The following PDE6C variants were observed in gnomAD, a reference collection of about 807,000 sequenced individuals.
PDE6C encodes the protein phosphodiesterase 6C.
Under a neutral mutation model 113.1 loss-of-function variants are expected in PDE6C, and 75 were observed. The observed-to-expected ratio is 0.66, with a 90% CI of 0.55 to 0.80. The LOEUF is 0.80. Among genes scored for constraint, PDE6C ranks in the 30% least tolerant of loss-of-function variants. The pLI, the probability that PDE6C is intolerant of heterozygous loss-of-function variation, is 0.00. For synonymous variants in PDE6C, 375 were observed against 363.7 expected (o/e 1.03, Z -0.35); for missense variants, 912 against 1,038.6 (o/e 0.88, Z 1.67).
chr10:93,652,459 G>A (rs968277176), intron 15 of PDE6C, among the ~76,000 whole-genome samples: 5 of 152,118 alleles, frequency 3.3e-5, no homozygotes, highest in Non-Finnish European at 5.9e-5. Flanking sequence ...GAAAATGAGT[G>A]AGAAGAAAAA....
At chr10:93,660,536 T>C (rs1229191960) in intron 18 of PDE6C, among the ~76,000 whole-genome samples, 3 of 152,126 alleles carry the variant, frequency 2.0e-5, no homozygotes, top group African/African-American at 7.2e-5. Context: ...TACCTGGTTT[T>C]ATGACCTACT....
Position 93,637,002 on chromosome 10 carries a change from A to G in PDE6C, c.1421A>G (p.Gln474Arg), listed in dbSNP as rs772054761. The change falls in exon 11 of 22, where the codon CAA becomes CGA. Residue 474 changes from glutamine to arginine, a missense_variant. Coordinates refer to ENST00000371447, the MANE Select transcript of PDE6C (RefSeq NM_006204.4). ...ATTGCTTTTACATTTTAGAAATTTC[A>G]AGAGAAGTTAAATGTTGATGTAATT... ...PEEIKSILKF[Q>R]EKLNVDVIDD... 3 of 1,584,262 alleles carry G rather than the reference A, an allele frequency of 1.9e-6. No homozygotes were observed. Among genetic ancestry groups the G allele is most frequent in the Non-Finnish European group, 2.6e-6 (3 of 1,153,208 alleles).
intron 5 of PDE6C, 77 bp downstream of exon 5, chr10:93,625,726 G>A (rs2058470383): frequency 3.1e-6 from 3 of 977,536 alleles, no homozygotes; most frequent in African/African-American, 1.6e-5. Flanking sequence ...AGTGCATAGA[G>A]CACTGGCCTG....
rs1051926 is a variant in PDE6C, at chr10:93,663,085, A to C, written c.2425A>C (p.Arg809=). The C allele has an allele frequency of 9.5e-4, 1,536 of 1,613,346 alleles. 5 individuals are homozygous for C. Among genetic ancestry groups the C allele is most frequent in the Middle Eastern group, 7.3e-3 (43 of 5,920 alleles). Residue 809 remains arginine, a synonymous_variant, in exon 21 of 22, where the codon AGA becomes CGA. Transcript: ENST00000371447. ...TATGCTGAGTGGTCTTCAGAATAACAGAGTAGAATGGAAATCACTAGCTGA... is the reference window on the plus strand; with the variant it reads ...TATGCTGAGTGGTCTTCAGAATAACCGAGTAGAATGGAAATCACTAGCTGA... The part of the protein sequence containing the change: ...TPMLSGLQNN[R]VEWKSLADEY...
intron 15 of PDE6C, among the ~76,000 whole-genome samples, chr10:93,651,081 C>A (rs778063654): frequency 2.6e-5 from 4 of 152,146 alleles, no homozygotes; most frequent in Admixed American, 6.6e-5. Flanking sequence ...ATTCTACTCG[C>A]TCTATGGATT....
chr10:93,645,722 T>C (rs2058580957), intron 14 of PDE6C, among the ~76,000 whole-genome samples: 1 of 152,100 alleles, frequency 6.6e-6, no homozygotes, highest in South Asian at 2.1e-4. Context: ...GGAGCTGAAC[T>C]CCTTAGTTTA....
At position 93,663,038 on chromosome 10, in the gene PDE6C, G is replaced by C; in HGVS notation, c.2378G>C (p.Arg793Pro). 1 of 1,611,930 alleles carries C rather than the reference G, an allele frequency of 6.2e-7. No individual in the cohort carries two copies. The highest frequency in any genetic ancestry group is 8.5e-7 in the Non-Finnish European group (1 of 1,179,312). ...VCTFVYKEFS[R>P]FHKEITPMLS... ...TAAAATTCCTTTTAGGAGTTCTCAC[G>C]GTTTCACAAAGAAATCACACCTATG... is the stretch of plus-strand genomic sequence containing the variant. Residue 793 changes from arginine to proline, a missense_variant, in exon 21 of 22, where the codon CGG becomes CCG. Physicochemically the swap from Arg to Pro is moderately radical, Grantham distance 103. Coordinates refer to ENST00000371447, the MANE Select transcript of PDE6C (RefSeq NM_006204.4).
chr10:93,635,496 G>T lies in PDE6C; in HGVS notation c.1270-1G>T. On this transcript the variant is annotated splice_acceptor_variant, in intron 9 of 21. Coordinates refer to ENST00000371447, the MANE Select transcript of PDE6C (RefSeq NM_006204.4). LOFTEE classifies it high-confidence loss of function. ...TTAGAATCACCTTTTATCCATTTCA[G>T]ACTCTCACACAATTTCTTGGATGGT... The T allele has an allele frequency of 6.2e-7, 1 of 1,610,592 alleles. No individual in the cohort carries two copies. The highest frequency in any genetic ancestry group is 1.1e-5 in the South Asian group (1 of 90,952).
intron 18 of PDE6C, among the ~76,000 whole-genome samples, chr10:93,660,696 G>A (rs2058662117): frequency 6.6e-6 from 1 of 152,074 alleles, no homozygotes; most frequent in African/African-American, 2.4e-5. Context: ...CTTCCACCTC[G>A]ACATGCCTGC....
chr10:93,659,857 A>C (rs996319957), intron 18 of PDE6C, among the ~76,000 whole-genome samples: 4 of 152,180 alleles, frequency 2.6e-5, no homozygotes, highest in Admixed American at 1.3e-4. Flanking sequence ...GTTTTCCTCT[A>C]TCAAGGGTGT....
intron 18 of PDE6C, among the ~76,000 whole-genome samples, chr10:93,661,183 G>C (rs530169270): frequency 1.3e-5 from 2 of 152,214 alleles, no homozygotes; most frequent in African/African-American, 4.8e-5. Flanking sequence ...AAGCTTCCTG[G>C]CAAAATTTAC....
chr10:93,646,669 G>A (rs1408875762), intron 15 of PDE6C, among the ~76,000 whole-genome samples: 1 of 152,036 alleles, frequency 6.6e-6, no homozygotes, highest in Non-Finnish European at 1.5e-5. Context: ...AGAGATGCGG[G>A]GGAGGTACCA....
intron 9 of PDE6C, 43 bp downstream of exon 9, chr10:93,634,950 A>C: frequency 1.9e-6 from 3 of 1,600,172 alleles, no homozygotes; most frequent in Non-Finnish European, 2.6e-6. Flanking sequence ...GCAATTCACA[A>C]AATAAGAGAG....
chr10:93,664,029 AAAGTT>A (rs2058678711), intron 21 of PDE6C, among the ~76,000 whole-genome samples: 1 of 152,194 alleles, frequency 6.6e-6, no homozygotes, highest in African/African-American at 2.4e-5. Flanking sequence ...TTTTCTTAAC[AAAGTT>A]AAGGATGTCC....
chr10:93,635,563 G>T lies in PDE6C; in HGVS notation c.1336G>T (p.Glu446Ter), dbSNP rs1410436651. The T allele has an allele frequency of 6.2e-7, 1 of 1,613,462 alleles. No individual in the cohort carries two copies. The highest frequency in any genetic ancestry group is 1.1e-5 in the South Asian group (1 of 91,062). ...CACCTACGATAAGATGAATAAGCTA[G>T]AAAACAGAAAGGACATTGCTCAGGA... ...TDTYDKMNKL[E>*]NRKDIAQEML... Residue 446 changes from glutamate (E) to a stop codon, truncating the protein, a stop_gained, in exon 10 of 22, where the codon GAA becomes TAA. Coordinates refer to ENST00000371447, the MANE Select transcript of PDE6C (RefSeq NM_006204.4). LOFTEE classifies it high-confidence loss of function.
chr10:93,635,715 G>C, intron 10 of PDE6C, 75 bp downstream of exon 10: 1 of 1,483,794 alleles, frequency 6.7e-7, no homozygotes, highest in Non-Finnish European at 9.4e-7. Context: ...TAATTACCCA[G>C]GGGTCTGACA....
At chr10:93,664,443 T>G (rs953075221) in intron 21 of PDE6C, among the ~76,000 whole-genome samples, 1 of 152,220 alleles carries the variant, frequency 6.6e-6, no homozygotes, top group Non-Finnish European at 1.5e-5. Flanking sequence ...AAGCTGGTAG[T>G]GCAGGTAGCT....
chr10:93,622,187 T>C (rs1041733074), intron 4 of PDE6C, 115 bp downstream of exon 4: 47 of 1,106,776 alleles, frequency 4.2e-5, no homozygotes, highest in Non-Finnish European at 3.3e-5. Context: ...TCATGATTGA[T>C]GACAAGAACA....
At position 93,658,960 on chromosome 10, in the gene PDE6C, A is replaced by C. The variant is rs12261131; in HGVS notation, c.2096A>C (p.Glu699Ala). Residue 699 changes from glutamate to alanine, a missense_variant, in exon 17 of 22, where the codon GAA becomes GCA. Coordinates refer to ENST00000371447, the MANE Select transcript of PDE6C (RefSeq NM_006204.4). ...DACEQMQTEE[E>A]AIKYVTVDPT... is the part of the protein sequence containing the mutation. Reference sequence around the variant, plus strand: ...TGTGAACAAATGCAAACGGAAGAAGAAGCCATCAAATATGTAACTGTTGAT... The same window carrying C: ...TGTGAACAAATGCAAACGGAAGAAGCAGCCATCAAATATGTAACTGTTGAT... 4.0e-3 allele frequency: 6,409 copies of C among 1,613,116 alleles called. 204 individuals carry two copies. The African/African-American group carries it at 0.071, about 18-fold the overall frequency.
Sources: allele counts gnomAD v4.1 joint callset (sites outside exome capture counted in the v4.1 genomes callset), GRCh38; gene constraint gnomAD v4.1.1; transcripts MANE v1.5; gene names NCBI Gene and HGNC (gene_info 2026-07-23, HGNC 2026-07-21).